Variants in PDE4D observed in about 807,000 individuals in gnomAD.
PDE4D encodes phosphodiesterase 4D.
In PDE4D, 24 loss-of-function variants were observed where a neutral mutation model predicts 87.4. The ratio of observed to expected loss-of-function variants is 0.27; its 90% CI spans 0.20 to 0.39. The LOEUF (loss-of-function observed/expected upper bound fraction) is 0.39. Among genes scored for constraint, PDE4D ranks in the 10% least tolerant of loss-of-function variants. The pLI is 1.00. For missense variants in PDE4D, 714 were observed against 1,041.0 expected, an observed-to-expected ratio of 0.69 and a Z score of 4.32; for synonymous variants, 384 against 383.2, an observed-to-expected ratio of 1.00 and a Z score of -0.02.
intron 1 of PDE4D, among the ~76,000 whole-genome samples, chr5:59,761,791 TAGG>T (rs1187102461): frequency 3.3e-5 from 5 of 152,086 alleles, no homozygotes; most frequent in Admixed American, 1.3e-4. Flanking sequence ...TGTATATAAG[TAGG>T]AGGAGTACTC....
At chr5:60,388,889 G>A (rs35076596) in intron 1 of PDE4D, among the ~76,000 whole-genome samples, 16 of 152,012 alleles carry the variant, frequency 1.1e-4, no homozygotes, top group East Asian at 1.9e-4. Context: ...TATCAATAAC[G>A]ACAGCTAAAA....
chr5:60,318,259 G>C (rs1489153340), intron 1 of PDE4D, among the ~76,000 whole-genome samples: 1 of 152,104 alleles, frequency 6.6e-6, no homozygotes, highest in Non-Finnish European at 1.5e-5. Context: ...TGTCTCTTTT[G>C]ATCTTTGTTG....
intron 5 of PDE4D, among the ~76,000 whole-genome samples, chr5:59,091,972 T>C (rs10940640): frequency 0.071 from 10,859 of 152,114 alleles, 517 homozygotes; most frequent in Middle Eastern, 0.12. Context: ...AAACACAAAG[T>C]CCAAATGGTA....
chr5:59,309,875 T>G (rs1772220048), intron 1 of PDE4D, among the ~76,000 whole-genome samples: 1 of 152,118 alleles, frequency 6.6e-6, no homozygotes, highest in South Asian at 2.1e-4. Flanking sequence ...CAGTAACATT[T>G]TGGTGTCATG....
Position 60,474,738 on chromosome 5 carries a change from G to A in PDE4D, c.-90+13204C>T, listed in dbSNP as rs550097801. Reference sequence around the variant, plus strand: ...TCTCCACAGCTCCCAGCTCTGCAAGGAAAGGCAGAGAGGAGAGACATCCTC... The same window carrying A: ...TCTCCACAGCTCCCAGCTCTGCAAGAAAAGGCAGAGAGGAGAGACATCCTC... On this transcript the variant is annotated intron_variant, in intron 1 of 16. Coordinates refer to the PDE4D transcript ENST00000502484. Among the ~76,000 whole-genome samples the A allele has an allele frequency of 2.0e-5, 3 of 152,286 alleles. 1 individual carries two copies. The highest frequency in any genetic ancestry group is 1.3e-4 in the Admixed American group (2 of 15,296).
intron 5 of PDE4D, among the ~76,000 whole-genome samples, chr5:59,172,195 T>C (rs1317603812): frequency 9.0e-6 from 1 of 110,840 alleles, no homozygotes; most frequent in African/African-American, 3.7e-5. Context: ...AATACATATA[T>C]AATAAATATG....
At chr5:59,419,825 T>G (rs1347847403) in intron 1 of PDE4D, among the ~76,000 whole-genome samples, 1 of 152,200 alleles carries the variant, frequency 6.6e-6, no homozygotes, top group Non-Finnish European at 1.5e-5. Flanking sequence ...TGGAGTCATC[T>G]CTTAGATTAT....
chr5:59,967,455 G>T (rs143471052), intron 3 of PDE4D, among the ~76,000 whole-genome samples: 583 of 152,126 alleles, frequency 3.8e-3, no homozygotes, highest in African/African-American at 0.014. Flanking sequence ...TGGGCAAAGG[G>T]CTTCATGAAC....
intron 1 of PDE4D, among the ~76,000 whole-genome samples, chr5:59,620,477 A>AT (rs1830222468): frequency 1.3e-5 from 2 of 152,280 alleles, no homozygotes; most frequent in East Asian, 3.9e-4. Flanking sequence ...TGAGTTTAAG[A>AT]TTTTGAGGTT....
At chr5:60,306,308 T>C (rs1294788950) in intron 1 of PDE4D, among the ~76,000 whole-genome samples, 1 of 151,952 alleles carries the variant, frequency 6.6e-6, no homozygotes, top group African/African-American at 2.4e-5. Context: ...TAAAATCTAA[T>C]GATGTGTGGT....
chr5:59,744,613 A>G (rs1163055627), intron 1 of PDE4D, among the ~76,000 whole-genome samples: 1 of 152,142 alleles, frequency 6.6e-6, no homozygotes, highest in African/African-American at 2.4e-5. Context: ...ACCCTGCTTA[A>G]GAGATTTAAA....
rs190642717 is a variant in PDE4D, at chr5:59,943,493, G to C, written c.272+44995C>G. Among the ~76,000 whole-genome samples, 27 of 152,288 alleles carry C rather than the reference G, an allele frequency of 1.8e-4. No homozygotes were observed. The East Asian group carries it at 4.6e-3, about 26-fold the overall frequency. On this transcript the variant is annotated intron_variant, in intron 3 of 16. Transcript: ENST00000502484. ...ACCTTATTAGCTTATTGTTAAGTCT[G>C]AGTGTATCATTTAGGGAAGAGACCT... is the stretch of plus-strand genomic sequence containing the variant.
chr5:59,065,061 T>A (rs1763677770), intron 5 of PDE4D, among the ~76,000 whole-genome samples: 1 of 16,512 alleles, frequency 6.1e-5, no homozygotes, highest in South Asian at 1.8e-3. Flanking sequence ...AAATGTGATA[T>A]ATATATACAC....
intron 1 of PDE4D, among the ~76,000 whole-genome samples, chr5:60,277,063 C>T (rs1751446733): frequency 1.3e-5 from 2 of 151,408 alleles, no homozygotes; most frequent in Admixed American, 6.6e-5. Context: ...ACATCATGTG[C>T]CTTTATTTTT....
intron 1 of PDE4D, among the ~76,000 whole-genome samples, chr5:59,604,387 G>T (rs1444145988): frequency 6.6e-6 from 1 of 152,052 alleles, no homozygotes; most frequent in Non-Finnish European, 1.5e-5. Context: ...CATTTAACCT[G>T]CTGACTGCAA....
At chr5:59,501,049 G>A (rs968451630) in intron 1 of PDE4D, among the ~76,000 whole-genome samples, 1 of 151,822 alleles carries the variant, frequency 6.6e-6, no homozygotes, top group Non-Finnish European at 1.5e-5. Flanking sequence ...CTTATACTTG[G>A]TCTTCAGAAG....
chr5:59,128,042 G>A (rs1035243284), intron 5 of PDE4D, among the ~76,000 whole-genome samples: 4 of 136,206 alleles, frequency 2.9e-5, no homozygotes, highest in Admixed American at 7.2e-5. Flanking sequence ...GTGTGTGTGT[G>A]TGTGTGTGTG....
intron 1 of PDE4D, among the ~76,000 whole-genome samples, chr5:59,470,464 G>A (rs2153651329): frequency 6.6e-6 from 1 of 152,210 alleles, no homozygotes; most frequent in East Asian, 1.9e-4. Flanking sequence ...CAGACAGTTG[G>A]TAATTCCAAC....
intron 1 of PDE4D, among the ~76,000 whole-genome samples, chr5:59,245,229 C>G (rs1165955461): frequency 6.6e-6 from 1 of 151,992 alleles, no homozygotes; most frequent in Non-Finnish European, 1.5e-5. Flanking sequence ...CTAGGGTACA[C>G]AAGGACATGT....
Sources: gnomAD v4.1 joint callset for allele counts (sites outside exome capture counted in the v4.1 genomes callset) on GRCh38, gnomAD v4.1.1 for gene constraint, MANE v1.5 for transcripts, NCBI Gene and HGNC (gene_info 2026-07-23, HGNC 2026-07-21) for gene names.